CFAP73: variants seen among roughly 807,000 people sequenced by gnomAD.
CFAP73 encodes cilia- and flagella-associated protein 73.
Under a neutral mutation model 42.9 loss-of-function variants are expected in CFAP73, and 33 were observed. The ratio of observed to expected loss-of-function variants is 0.77; its 90% CI spans 0.58 to 1.03. CFAP73 has a LOEUF of 1.03. CFAP73 is among the 50% of genes least tolerant of loss of function. CFAP73 has a pLI of 0.00. For missense variants in CFAP73, 392 were observed against 411.9 expected, an observed-to-expected ratio of 0.95 and a Z score of 0.42; for synonymous variants, 162 against 186.8, an observed-to-expected ratio of 0.87 and a Z score of 1.08.
intron 3 of CFAP73, 62 bp downstream of exon 3, chr12:113,152,949 G>C: frequency 8.7e-7 from 1 of 1,147,318 alleles, no homozygotes; most frequent in South Asian, 1.4e-5. Context: ...CTCCTATAGG[G>C]GCCCGGCAGG....
In CFAP73 at chr12:113,159,225, T is replaced by A. The variant is rs957156230; in HGVS notation, c.*536T>A. The A allele has an allele frequency of 6.8e-6, 8 of 1,168,860 alleles. No homozygotes were observed. The highest frequency in any genetic ancestry group is 9.5e-6 in the Non-Finnish European group (8 of 844,680). The allele number at this position is 1,168,860 out of a possible 1,614,324, so 72.4% of individuals were successfully genotyped here. On this transcript the variant is annotated 3_prime_UTR_variant, in exon 8 of 8. Coordinates refer to ENST00000335621, the MANE Select transcript of CFAP73 (RefSeq NM_001144872.3). Reference sequence around the variant, plus strand: ...TACTCCTGTTCTGTGCTTATTGCTGTGGCCCAGTGTCTGTACACAGTAGGT... The same window carrying A: ...TACTCCTGTTCTGTGCTTATTGCTGAGGCCCAGTGTCTGTACACAGTAGGT...
Position 113,154,520 on chromosome 12 carries a change from G to A in CFAP73, c.575G>A (p.Arg192Gln). Residue 192 changes from arginine to glutamine, a missense_variant, in exon 5 of 8, where the codon CGA becomes CAA. Transcript: ENST00000335621. The surrounding 1 kb of genome is among the most constrained non-coding windows in gnomAD (Gnocchi z 4.7). ...REQLAELEAA[R>Q]ARLQQLRDAW... ...CAGCTCGCGGAGCTGGAGGCGGCGC[G>A]AGCGCGGCTGCAGCAGCTGCGGGAC... is the stretch of plus-strand genomic sequence containing the variant. 2 of 1,515,014 alleles carry A rather than the reference G, an allele frequency of 1.3e-6. No homozygotes were observed. The highest frequency in any genetic ancestry group is 1.8e-6 in the Non-Finnish European group (2 of 1,136,236). The allele number at this position is 1,515,014 out of a possible 1,614,324, so 93.8% of individuals were successfully genotyped here. A position where few individuals can be genotyped will look rare whatever the true frequency, so the allele number is the denominator to read the frequency against.
intron 1 of CFAP73, 37 bp downstream of exon 1, chr12:113,149,950 G>A (rs1483837774): frequency 1.3e-6 from 2 of 1,542,912 alleles, no homozygotes; most frequent in African/African-American, 1.4e-5. Context: ...GCTAGAAGGA[G>A]GGCGGGAATG....
At position 113,154,578 on chromosome 12, in the gene CFAP73, GC is replaced by G; in HGVS notation, c.634del (p.Arg212GlyfsTer50). 1 of 1,433,904 alleles carries G rather than the reference GC, an allele frequency of 7.0e-7. No individual in the cohort carries two copies. The highest frequency in any genetic ancestry group is 1.5e-5 in the South Asian group (1 of 66,750). The allele number at this position is 1,433,904 out of a possible 1,614,324, so 88.8% of individuals were successfully genotyped here. A position where few individuals can be genotyped will look rare whatever the true frequency, so the allele number is the denominator to read the frequency against. On this transcript the variant is annotated frameshift_variant, in exon 5 of 8. Coordinates refer to ENST00000335621, the MANE Select transcript of CFAP73 (RefSeq NM_001144872.3). LOFTEE classifies it high-confidence loss of function. This position sits in a 1 kb window ranked among gnomAD's most constrained non-coding sequence, Gnocchi z 4.7. ...CGGACGAGGTGCTCGCACAGGGCCA[GC>G]GGCGGGCACAGCTGCAGGAGCGCCT... is the stretch of plus-strand genomic sequence containing the variant. ...WPDEVLAQGQ[R>X]RAQLQERLEA...
Position 113,154,674 on chromosome 12 carries a change from G to A in CFAP73, c.690+39G>A. 2 of 1,379,732 alleles carry A rather than the reference G, an allele frequency of 1.4e-6. No individual in the cohort carries two copies. The highest frequency in any genetic ancestry group is 3.0e-5 in the East Asian group (1 of 33,816). The allele number at this position is 1,379,732 out of a possible 1,614,324, so 85.5% of individuals were successfully genotyped here. ...TAGGTGGGGGGCGCTCCGGACCCCAGGCTTCCACAGCCGGGCGGGGAGGAA... is the reference window on the plus strand; with the variant it reads ...TAGGTGGGGGGCGCTCCGGACCCCAAGCTTCCACAGCCGGGCGGGGAGGAA... On this transcript the variant is annotated intron_variant, in intron 5 of 7. Coordinates refer to ENST00000335621, the MANE Select transcript of CFAP73 (RefSeq NM_001144872.3). The surrounding 1 kb of genome is among the most constrained non-coding windows in gnomAD (Gnocchi z 4.7).
chr12:113,154,359 G>T lies in CFAP73; in HGVS notation c.469-55G>T. On this transcript the variant is annotated intron_variant, in intron 4 of 7. Coordinates refer to ENST00000335621, the MANE Select transcript of CFAP73 (RefSeq NM_001144872.3). This position sits in a 1 kb window ranked among gnomAD's most constrained non-coding sequence, Gnocchi z 4.7. ...GGAACGCTGGCGGCCAGGTGGGATG[G>T]AGAGGGTAAGGCACTGCAGGCCCAT... 2 of 1,533,028 alleles carry T rather than the reference G, an allele frequency of 1.3e-6. No homozygotes were observed. Among genetic ancestry groups the T allele is most frequent in the South Asian group, 2.4e-5 (2 of 83,606 alleles). The allele number at this position is 1,533,028 out of a possible 1,614,324, so 95.0% of individuals were successfully genotyped here.
intron 6 of CFAP73, 133 bp from the exon 7 acceptor site, chr12:113,157,469 C>T (rs1321234371): frequency 5.5e-6 from 4 of 721,586 alleles, no homozygotes; most frequent in Non-Finnish European, 7.0e-6. Context: ...CTGGGAACCA[C>T]CATCATCACT....
In CFAP73 at chr12:113,154,156, A is replaced by G. The variant is rs865781427; in HGVS notation, c.469-258A>G. The stretch of plus-strand genomic sequence containing the variant: ...TAGTCGGGCGTGGTGGCGTGTGACT[A>G]TAGTCCCAGCTACTTTGGAGCGGAG... On this transcript the variant is annotated intron_variant, in intron 4 of 7. Coordinates refer to ENST00000335621, the MANE Select transcript of CFAP73 (RefSeq NM_001144872.3). This position sits in a 1 kb window ranked among gnomAD's most constrained non-coding sequence, Gnocchi z 4.7. Among the ~76,000 whole-genome samples the G allele has an allele frequency of 1.3e-5, 2 of 151,878 alleles. No individual in the cohort carries two copies. Among genetic ancestry groups the G allele is most frequent in the African/African-American group, 4.8e-5 (2 of 41,358 alleles).
intron 6 of CFAP73, among the ~76,000 whole-genome samples, chr12:113,156,242 A>G (rs1477337203): frequency 1.3e-5 from 2 of 152,028 alleles, no homozygotes; most frequent in Admixed American, 6.5e-5. Flanking sequence ...ACAATGGAGG[A>G]AGATTTCAGA....
rs1478057562 is a variant in CFAP73, at chr12:113,154,762, G to T, written c.690+127G>T. The T allele has an allele frequency of 3.0e-6, 4 of 1,333,726 alleles. No homozygotes were observed. The highest frequency in any genetic ancestry group is 1.9e-6 in the Non-Finnish European group (2 of 1,048,608). 82.6% of individuals were successfully genotyped at this position (1,333,726 alleles called of 1,614,324 possible). On this transcript the variant is annotated intron_variant, in intron 5 of 7. Transcript: ENST00000335621. The surrounding 1 kb of genome is among the most constrained non-coding windows in gnomAD (Gnocchi z 4.7). Reference sequence around the variant, plus strand: ...CCCAGAGGGTCCGCTGCACTAAGGAGGGGAATCTCAGGCATCACCGAGCCG... The same window carrying T: ...CCCAGAGGGTCCGCTGCACTAAGGATGGGAATCTCAGGCATCACCGAGCCG...
chr12:113,158,854 G>A lies in CFAP73; in HGVS notation c.*165G>A, dbSNP rs767293812. 2.5e-6 allele frequency: 4 copies of A among 1,569,186 alleles called. No homozygotes were observed. The Admixed American group carries it at 5.3e-5, about 21-fold the overall frequency. ...TGCCCACCCTAAGGCCAATCAAGGA[G>A]CCACGGGGCTGGGTCCTGGTCCTCA... On this transcript the variant is annotated 3_prime_UTR_variant, in exon 8 of 8. Transcript: ENST00000335621. This position sits in a 1 kb window ranked among gnomAD's most constrained non-coding sequence, Gnocchi z 4.9.
rs1323017942 is a variant in CFAP73 at position 113,154,590 on chromosome 12, G to A, written c.645G>A (p.Gln215=). ...TCGCACAGGGCCAGCGGCGGGCACA[G>A]CTGCAGGAGCGCCTGGAGGCTGCCA... The part of the protein sequence containing the change: ...EVLAQGQRRA[Q]LQERLEAARE... The change falls in exon 5 of 8, where the codon CAG becomes CAA. Residue 215 remains glutamine, a synonymous_variant. Coordinates refer to ENST00000335621, the MANE Select transcript of CFAP73 (RefSeq NM_001144872.3). This position sits in a 1 kb window ranked among gnomAD's most constrained non-coding sequence, Gnocchi z 4.7. 2 of 1,420,884 alleles carry A rather than the reference G, an allele frequency of 1.4e-6. No individual in the cohort carries two copies. Among genetic ancestry groups the A allele is most frequent in the East Asian group, 2.8e-5 (1 of 35,418 alleles). 88.0% of individuals were successfully genotyped at this position (1,420,884 alleles called of 1,614,324 possible).
chr12:113,152,109 G>A, intron 2 of CFAP73, 86 bp downstream of exon 2: 1 of 916,722 alleles, frequency 1.1e-6, no homozygotes, highest in Non-Finnish European at 1.7e-6. Flanking sequence ...TCTGAGACAA[G>A]TCATTTCACC....
Position 113,149,727 on chromosome 12 carries a change from G to T in CFAP73, c.-131G>T. 2.4e-6 allele frequency: 2 copies of T among 833,266 alleles called. No individual in the cohort carries two copies. Among genetic ancestry groups the T allele is most frequent in the East Asian group, 5.5e-5 (2 of 36,482 alleles). 51.6% of individuals were successfully genotyped at this position (833,266 alleles called of 1,614,324 possible). ...TGTGGTCGGTTGCCAGGCAACCAGA[G>T]CCTGCTGGTGGCTGCCTTCTGGGCC... On this transcript the variant is annotated 5_prime_UTR_variant, in exon 1 of 8. Transcript: ENST00000335621.
chr12:113,155,568 G>C (rs114344431), intron 6 of CFAP73, 150 bp downstream of exon 6: 2 of 840,022 alleles, frequency 2.4e-6, no homozygotes, highest in Admixed American at 3.3e-5. Flanking sequence ...CTCGATTGTC[G>C]GGCAGGCACC....
intron 6 of CFAP73, 144 bp downstream of exon 6, chr12:113,155,562 A>T (rs1592991598): frequency 2.2e-6 from 2 of 901,216 alleles, no homozygotes; most frequent in Non-Finnish European, 3.1e-6. Flanking sequence ...CCGTGGCTCG[A>T]TTGTCGGGCA....
rs1422561249 is a variant in CFAP73 at position 113,150,786 on chromosome 12, C to G, written c.56+873C>G. ...AGTCTCCACTCACCATGGCCCACCG[C>G]AGTTGGATTCTCAGCTCCTCCCTGC... On this transcript the variant is annotated intron_variant, in intron 1 of 7. Transcript: ENST00000335621. Among the ~76,000 whole-genome samples the G allele has an allele frequency of 2.6e-5, 4 of 152,154 alleles. No homozygotes were observed. The South Asian group carries it at 8.3e-4, about 32-fold the overall frequency.
intron 6 of CFAP73, 165 bp from the exon 7 acceptor site, chr12:113,157,437 T>C: frequency 1.6e-6 from 1 of 631,096 alleles, no homozygotes; most frequent in South Asian, 1.9e-5. Context: ...CCCAGAACGG[T>C]TTAGGATCTC....
At position 113,157,599 on chromosome 12, in the gene CFAP73, C is replaced by T. The variant is rs570675069; in HGVS notation, c.850-3C>T. On this transcript the variant is annotated splice_region_variant and splice_polypyrimidine_tract_variant and intron_variant, in intron 6 of 7. Transcript: ENST00000335621. ...GATGTGACTTCGTGCTGGGCCCCCC[C>T]AGGTGAAGCTGTTCATGCAGGACCT... is the stretch of plus-strand genomic sequence containing the variant. The T allele has an allele frequency of 2.2e-4, 338 of 1,551,638 alleles. 2 individuals are homozygous for T. The South Asian group carries it at 3.7e-3, about 17-fold the overall frequency.
Sources: allele counts gnomAD v4.1 joint callset (sites outside exome capture counted in the v4.1 genomes callset), GRCh38; gene constraint gnomAD v4.1.1; non-coding constraint Gnocchi (gnomAD v3.1); transcripts MANE v1.5; gene names NCBI Gene and HGNC (gene_info 2026-07-23, HGNC 2026-07-21).